VRK2: variants seen among roughly 807,000 people sequenced by gnomAD.
VRK2 encodes the protein serine/threonine-protein kinase VRK2.
VRK2 carries 60 observed loss-of-function variants against 57.6 expected under a neutral mutation model. That is an observed-to-expected ratio of 1.04 (90% CI 0.85 to 1.29). The LOEUF is 1.29. VRK2 is among the 50% of genes most tolerant of loss of function. The probability of loss-of-function intolerance (pLI) is 0.00; values close to 1 mark genes in which losing one functional copy is unlikely to be tolerated. For synonymous variants in VRK2, 231 were observed against 199.2 expected, an observed-to-expected ratio of 1.16 and a Z score of -1.35; for missense variants, 705 against 588.1, an observed-to-expected ratio of 1.20 and a Z score of -2.06.
chr2:57,925,016 T>C (rs1325646765), intron 1 of VRK2, among the ~76,000 whole-genome samples: 1 of 152,128 alleles, frequency 6.6e-6, no homozygotes, highest in Non-Finnish European at 1.5e-5. Flanking sequence ...TCACATTCAT[T>C]GATTTGCCTA....
intron 2 of VRK2, among the ~76,000 whole-genome samples, chr2:58,068,909 T>G (rs1253752172): frequency 6.6e-6 from 1 of 152,130 alleles, no homozygotes; most frequent in Non-Finnish European, 1.5e-5. Context: ...GTTGCATTTT[T>G]CTGTTTTTCC....
At chr2:57,953,609 G>A (rs1189065725) in intron 1 of VRK2, among the ~76,000 whole-genome samples, 3 of 152,084 alleles carry the variant, frequency 2.0e-5, no homozygotes. Flanking sequence ...TTTACATACA[G>A]TCATTTACTT....
chr2:58,147,851 T>C (rs1315314239), intron 12 of VRK2, among the ~76,000 whole-genome samples: 1 of 151,610 alleles, frequency 6.6e-6, no homozygotes, highest in Non-Finnish European at 1.5e-5. Context: ...TATTAGTAAT[T>C]TGTTTTTTCC....
chr2:57,964,401 A>G (rs1671849743), intron 1 of VRK2, among the ~76,000 whole-genome samples: 1 of 152,148 alleles, frequency 6.6e-6, no homozygotes, highest in Non-Finnish European at 1.5e-5. Flanking sequence ...GAAGAGGAGT[A>G]GGAAGAGGAG....
chr2:57,944,494 C>T (rs940601474), intron 1 of VRK2, among the ~76,000 whole-genome samples: 3 of 152,136 alleles, frequency 2.0e-5, no homozygotes, highest in South Asian at 2.1e-4. Context: ...CCCAACACTT[C>T]GGGAGGCCGA....
At chr2:57,910,763 TA>T (rs1194402181) in intron 1 of VRK2, among the ~76,000 whole-genome samples, 1 of 152,164 alleles carries the variant, frequency 6.6e-6, no homozygotes, top group Non-Finnish European at 1.5e-5. Context: ...GCCCCCAACA[TA>T]AGTTCCAAAG....
intron 7 of VRK2, among the ~76,000 whole-genome samples, chr2:58,116,382 A>C (rs1676487662): frequency 1.3e-5 from 2 of 151,000 alleles, no homozygotes; most frequent in South Asian, 2.1e-4. Context: ...TTTGGTTAAA[A>C]TATCTCGGCC....
intron 12 of VRK2, among the ~76,000 whole-genome samples, chr2:58,158,545 A>AAAG (rs1319718091): frequency 7.6e-6 from 1 of 131,920 alleles, no homozygotes; most frequent in African/African-American, 2.6e-5. Flanking sequence ...GAACAAGCTT[A>AAAG]AAGTATTTTG....
At chr2:57,934,145 C>G (rs185128643) in intron 1 of VRK2, among the ~76,000 whole-genome samples, 26 of 152,202 alleles carry the variant, frequency 1.7e-4, no homozygotes, top group African/African-American at 6.3e-4. Flanking sequence ...GTCTTTTAAT[C>G]ATTATACTAG....
chr2:58,094,990 A>G (rs1446159982), intron 7 of VRK2, among the ~76,000 whole-genome samples: 8 of 152,094 alleles, frequency 5.3e-5, no homozygotes, highest in Non-Finnish European at 1.0e-4. Context: ...TATTTTGTTT[A>G]GTTTCATTTA....
intron 3 of VRK2, among the ~76,000 whole-genome samples, chr2:58,036,007 G>A (rs2103707832): frequency 6.6e-6 from 1 of 152,048 alleles, no homozygotes; most frequent in South Asian, 2.1e-4. Context: ...TCTTAAGAGT[G>A]GCTTATAAGC....
Position 57,930,908 on chromosome 2 carries a change from G to A in VRK2, c.-439+23069G>A, listed in dbSNP as rs997156954. Among the ~76,000 whole-genome samples, 6 of 151,940 alleles carry A rather than the reference G, an allele frequency of 3.9e-5. No individual in the cohort carries two copies. The East Asian group carries it at 7.7e-4, about 20-fold the overall frequency. Reference sequence around the variant, plus strand: ...ATCCTCCCGGTTTATCTATATTTTTGCAAATGAGAGGATTTTCTTCTCTTT... The same window carrying A: ...ATCCTCCCGGTTTATCTATATTTTTACAAATGAGAGGATTTTCTTCTCTTT... On this transcript the variant is annotated intron_variant, in intron 1 of 15. Transcript: ENST00000417641.
At position 57,923,782 on chromosome 2, in the gene VRK2, T is replaced by C. The variant is rs1217135297; in HGVS notation, c.-439+15943T>C. On this transcript the variant is annotated intron_variant, in intron 1 of 15. Transcript: ENST00000417641. ...CTTTGGTTGCCTTTGCTTGTGGATATTACTCAAGAAATTTTTGCCCATTAC... is the reference window on the plus strand; with the variant it reads ...CTTTGGTTGCCTTTGCTTGTGGATACTACTCAAGAAATTTTTGCCCATTAC... 2.0e-5 allele frequency among the ~76,000 whole-genome samples: 3 copies of C among 152,136 alleles called. No individual in the cohort carries two copies. In the East Asian group the frequency reaches 5.8e-4, roughly 29 times the overall value.
chr2:58,008,699 A>G (rs1371571720), intron 1 of VRK2, among the ~76,000 whole-genome samples: 1 of 152,156 alleles, frequency 6.6e-6, no homozygotes, highest in African/African-American at 2.4e-5. Flanking sequence ...AAACAAGGAT[A>G]TTATACAGAA....
At chr2:57,916,852 A>G (rs1271404439) in intron 1 of VRK2, among the ~76,000 whole-genome samples, 1 of 152,222 alleles carries the variant, frequency 6.6e-6, no homozygotes, top group African/African-American at 2.4e-5. Context: ...AAGTCACTTA[A>G]GTTCTTCTAC....
At chr2:58,128,379 T>G (rs1678673711) in intron 8 of VRK2, among the ~76,000 whole-genome samples, 1 of 152,204 alleles carries the variant, frequency 6.6e-6, no homozygotes. Context: ...TTGTCCAGGC[T>G]GGAGGACAGT....
intron 1 of VRK2, among the ~76,000 whole-genome samples, chr2:57,984,056 A>C (rs1001013719): frequency 3.9e-5 from 6 of 152,146 alleles, no homozygotes; most frequent in African/African-American, 1.4e-4. Flanking sequence ...TTTTTCTATA[A>C]AGGGCCACAG....
At chr2:57,943,473 C>A (rs1234060793) in intron 1 of VRK2, among the ~76,000 whole-genome samples, 1 of 152,086 alleles carries the variant, frequency 6.6e-6, no homozygotes, top group Non-Finnish European at 1.5e-5. Context: ...AGAAAGGGGA[C>A]CTAGAAGTTG....
At chr2:58,094,256 A>C (rs1195904550) in intron 7 of VRK2, among the ~76,000 whole-genome samples, 2 of 152,184 alleles carry the variant, frequency 1.3e-5, no homozygotes, top group Non-Finnish European at 2.9e-5. Context: ...TACCTTGGGC[A>C]GTATGGCCAT....
Sources: gnomAD v4.1 joint callset for allele counts (sites outside exome capture counted in the v4.1 genomes callset) on GRCh38, gnomAD v4.1.1 for gene constraint, MANE v1.5 for transcripts, NCBI Gene and HGNC (gene_info 2026-07-23, HGNC 2026-07-21) for gene names.